The following ZNF512 variants were observed in gnomAD, a reference collection of about 807,000 sequenced individuals.
The protein encoded by ZNF512 is zinc finger protein 512.
In ZNF512, 25 loss-of-function variants were observed where a neutral mutation model predicts 77.5. The observed-to-expected ratio is 0.32, with a 90% CI of 0.23 to 0.45. The LOEUF is 0.45. ZNF512 is among the 20% of genes least tolerant of loss of function. The pLI is 1.00. For synonymous variants in ZNF512, 246 were observed against 239.9 expected (o/e 1.03, Z -0.24); for missense variants, 483 against 692.6 (o/e 0.70, Z 3.40).
intron 10 of ZNF512, among the ~76,000 whole-genome samples, chr2:27,614,245 A>G (rs1672788345): frequency 6.6e-6 from 1 of 152,150 alleles, no homozygotes; most frequent in South Asian, 2.1e-4. Context: ...CCCATGGTGG[A>G]CTTTGCAAGA....
At chr2:27,583,545 T>C in intron 1 of ZNF512, 113 bp from the exon 2 acceptor site, 1 of 1,532,072 alleles carries the variant, frequency 6.5e-7, no homozygotes, top group Non-Finnish European at 8.7e-7. Flanking sequence ...TTCTTGTGTT[T>C]GAGGTGGTTT....
chr2:27,586,431 T>C (rs528341591), intron 2 of ZNF512, among the ~76,000 whole-genome samples: 1 of 152,242 alleles, frequency 6.6e-6, no homozygotes, highest in African/African-American at 2.4e-5. Context: ...GGTTTCACAG[T>C]GTTGCCCAGG....
intron 12 of ZNF512, chr2:27,616,973 G>A (rs774851003): frequency 1.2e-5 from 2 of 161,600 alleles, no homozygotes; most frequent in Non-Finnish European, 2.7e-5. Flanking sequence ...ATCTGTCTAG[G>A]AATGCTTAGG....
chr2:27,621,479 G>C lies in ZNF512; in HGVS notation c.*18G>C. 6.3e-7 allele frequency: 1 copy of C among 1,590,802 alleles called. No homozygotes were observed. Among genetic ancestry groups the C allele is most frequent in the Admixed American group, 1.7e-5 (1 of 58,408 alleles). ...GGAAATAGGCAGTCAGTGTAAAAGTGCTCCTAGGAAAGCAGATGTGATGCT... is the reference window on the plus strand; with the variant it reads ...GGAAATAGGCAGTCAGTGTAAAAGTCCTCCTAGGAAAGCAGATGTGATGCT... On this transcript the variant is annotated 3_prime_UTR_variant, in exon 14 of 14. Coordinates refer to ENST00000355467, the MANE Select transcript of ZNF512 (RefSeq NM_032434.4).
intron 12 of ZNF512, 193 bp from the exon 13 acceptor site, chr2:27,617,280 A>G: frequency 1.8e-6 from 1 of 549,076 alleles, no homozygotes; most frequent in Non-Finnish European, 3.3e-6. Flanking sequence ...ACAGAATTGC[A>G]CTAGGATGGA....
At chr2:27,617,715 T>C in intron 13 of ZNF512, 144 bp downstream of exon 13, 1 of 568,050 alleles carries the variant, frequency 1.8e-6, no homozygotes, top group South Asian at 2.6e-5. Flanking sequence ...TTCTCTAAAC[T>C]TAGATATATA....
chr2:27,603,594 T>A (rs534152485), intron 9 of ZNF512, among the ~76,000 whole-genome samples: 2,310 of 35,988 alleles, frequency 0.064, 71 homozygotes, highest in African/African-American at 0.24. Context: ...GTGTATATTT[T>A]TTTTTTTTTT....
chr2:27,615,086 T>C (rs1672828572), intron 10 of ZNF512, 82 bp from the exon 11 acceptor site: 2 of 795,894 alleles, frequency 2.5e-6, no homozygotes, highest in East Asian at 5.1e-5. Context: ...TTATATAACC[T>C]AAAGAGTTGG....
intron 2 of ZNF512, among the ~76,000 whole-genome samples, chr2:27,584,620 G>T (rs1027056162): frequency 6.6e-6 from 1 of 152,222 alleles, no homozygotes; most frequent in Admixed American, 6.5e-5. Flanking sequence ...TTTGAGGAAG[G>T]GGAGTGATAG....
At chr2:27,598,858 TTTC>T (rs1671989367) in intron 3 of ZNF512, among the ~76,000 whole-genome samples, 1 of 151,388 alleles carries the variant, frequency 6.6e-6, no homozygotes, top group Non-Finnish European at 1.5e-5. Flanking sequence ...TGAGACGGAG[TTTC>T]ACTCTTCTTG....
intron 2 of ZNF512, among the ~76,000 whole-genome samples, chr2:27,592,546 C>T (rs942283198): frequency 6.6e-6 from 1 of 151,848 alleles, no homozygotes; most frequent in Non-Finnish European, 1.5e-5. Context: ...AACTCCTGAC[C>T]TCAAGTGATC....
At chr2:27,599,914 G>A (rs1025073632) in intron 4 of ZNF512, 56 bp from the exon 5 acceptor site, 1 of 1,589,074 alleles carries the variant, frequency 6.3e-7, no homozygotes, top group Non-Finnish European at 8.6e-7. Flanking sequence ...AGAGGGAAGA[G>A]ATTTTGGTAT....
At chr2:27,610,026 G>GT (rs1672541231) in intron 10 of ZNF512, among the ~76,000 whole-genome samples, 1 of 151,844 alleles carries the variant, frequency 6.6e-6, no homozygotes, top group Non-Finnish European at 1.5e-5. Context: ...GGGCCACAGA[G>GT]CAAGACTTCA....
chr2:27,592,377 A>G (rs1165406803), intron 2 of ZNF512, among the ~76,000 whole-genome samples: 1 of 151,284 alleles, frequency 6.6e-6, no homozygotes. Flanking sequence ...GTGCAGTGGC[A>G]TGATCTCGGC....
intron 2 of ZNF512, among the ~76,000 whole-genome samples, chr2:27,594,832 C>T (rs1181283229): frequency 2.0e-5 from 3 of 152,212 alleles, no homozygotes; most frequent in Admixed American, 2.0e-4. Flanking sequence ...GCACTCCAGC[C>T]TGGGCAACAT....
intron 10 of ZNF512, among the ~76,000 whole-genome samples, chr2:27,609,751 C>A (rs1029181687): frequency 6.6e-6 from 1 of 152,078 alleles, no homozygotes; most frequent in African/African-American, 2.4e-5. Context: ...TGCCCGTAAT[C>A]CCAGCTGCTT....
chr2:27,587,337 C>T (rs1448372737), intron 2 of ZNF512, among the ~76,000 whole-genome samples: 1 of 147,056 alleles, frequency 6.8e-6, no homozygotes, highest in Non-Finnish European at 1.5e-5. Flanking sequence ...AGTGCAGTGG[C>T]CTGATCCTGG....
At chr2:27,612,038 G>GT (rs1304895008) in intron 10 of ZNF512, among the ~76,000 whole-genome samples, 2 of 151,946 alleles carry the variant, frequency 1.3e-5, no homozygotes, top group African/African-American at 2.4e-5. Flanking sequence ...AGTTTCCATC[G>GT]TTTTTTCTAT....
intron 9 of ZNF512, 73 bp downstream of exon 9, chr2:27,603,380 C>G (rs1672210265): frequency 6.6e-7 from 1 of 1,505,116 alleles, no homozygotes; most frequent in African/African-American, 1.4e-5. Flanking sequence ...TCTATCTTCC[C>G]ATATGTGTTT....
Sources: gnomAD v4.1 joint callset for allele counts (sites outside exome capture counted in the v4.1 genomes callset) on GRCh38, gnomAD v4.1.1 for gene constraint, MANE v1.5 for transcripts, NCBI Gene and HGNC (gene_info 2026-07-23, HGNC 2026-07-21) for gene names.